Variants in EFEMP1 observed in about 807,000 individuals in gnomAD.
EFEMP1 encodes EGF-containing fibulin-like extracellular matrix protein 1.
A neutral mutation model predicts 65.7 loss-of-function variants in EFEMP1; 18 were observed. That is an observed-to-expected ratio of 0.27 (90% CI 0.19 to 0.41). EFEMP1 has a LOEUF of 0.41. Among genes scored for constraint, EFEMP1 ranks in the 10% least tolerant of loss-of-function variants. The pLI is 1.00. For synonymous variants in EFEMP1, 237 were observed against 219.7 expected, an observed-to-expected ratio of 1.08 and a Z score of -0.70; for missense variants, 469 against 624.8, an observed-to-expected ratio of 0.75 and a Z score of 2.66.
At chr2:55,906,037 G>C (rs1365927277) in intron 5 of EFEMP1, among the ~76,000 whole-genome samples, 1 of 151,894 alleles carries the variant, frequency 6.6e-6, no homozygotes, top group Non-Finnish European at 1.5e-5. Context: ...ACATTTTTTT[G>C]AATGAGCTGT....
chr2:55,872,198 A>G (rs996192176), intron 9 of EFEMP1, among the ~76,000 whole-genome samples: 11 of 152,090 alleles, frequency 7.2e-5, no homozygotes, highest in Non-Finnish European at 1.0e-4. Context: ...CTTCTCCACA[A>G]TGAGATATTT....
chr2:55,869,882 C>T (rs550083963), intron 11 of EFEMP1, among the ~76,000 whole-genome samples: 4 of 152,118 alleles, frequency 2.6e-5, no homozygotes, highest in Admixed American at 6.6e-5. Flanking sequence ...AATGAACTTG[C>T]TGAGATTTTG....
At chr2:55,906,687 C>A (rs1173099355) in intron 5 of EFEMP1, among the ~76,000 whole-genome samples, 1 of 152,158 alleles carries the variant, frequency 6.6e-6, no homozygotes, top group Non-Finnish European at 1.5e-5. Flanking sequence ...GAATTTTCTG[C>A]CTTGCTTGTT....
chr2:55,889,451 T>TCTTA (rs1669551136), intron 5 of EFEMP1, among the ~76,000 whole-genome samples: 1 of 152,166 alleles, frequency 6.6e-6, no homozygotes, highest in Admixed American at 6.5e-5. Context: ...TTTCATTATA[T>TCTTA]CTTACTTATG....
Position 55,922,951 on chromosome 2 carries a change from T to A in EFEMP1, c.-48-12A>T. The A allele has an allele frequency of 9.8e-7, 1 of 1,016,870 alleles. No homozygotes were observed. The highest frequency in any genetic ancestry group is 1.2e-6 in the Non-Finnish European group (1 of 848,070). 63.0% of individuals were successfully genotyped at this position (1,016,870 alleles called of 1,614,324 possible). A position where few individuals can be genotyped will look rare whatever the true frequency, so the allele number is the denominator to read the frequency against. On this transcript the variant is annotated splice_polypyrimidine_tract_variant and intron_variant, in intron 1 of 11. Coordinates refer to ENST00000355426, the MANE Select transcript of EFEMP1 (RefSeq NM_001039348.3). This position sits in a 1 kb window ranked among gnomAD's most constrained non-coding sequence, Gnocchi z 5.5. ...CACAGCAAAAATACCTGTGAGCCAATATGAATTGCCTTGGCCTCAAGCTTT... is the reference window on the plus strand; with the variant it reads ...CACAGCAAAAATACCTGTGAGCCAAAATGAATTGCCTTGGCCTCAAGCTTT...
Position 55,866,734 on chromosome 2 carries a change from G to A in EFEMP1, c.*339C>T. ...GCCTCCTTATGAGACTGTTAGTGGA[G>A]CTCTAGTAAGTTTCCTTAAGCACCA... On this transcript the variant is annotated 3_prime_UTR_variant, in exon 12 of 12. Coordinates refer to ENST00000355426, the MANE Select transcript of EFEMP1 (RefSeq NM_001039348.3). The A allele has an allele frequency of 7.5e-6, 2 of 265,784 alleles. No individual in the cohort carries two copies. Among genetic ancestry groups the A allele is most frequent in the South Asian group, 1.0e-4 (2 of 19,958 alleles). The allele number at this position is 265,784 out of a possible 1,614,324, so 16.5% of individuals were successfully genotyped here.
chr2:55,872,376 C>G (rs1035237040), intron 9 of EFEMP1, among the ~76,000 whole-genome samples: 1 of 152,070 alleles, frequency 6.6e-6, no homozygotes, highest in African/African-American at 2.4e-5. Flanking sequence ...GCATGTCTAG[C>G]TTAACCCTTC....
chr2:55,869,933 CA>C (rs1668734725), intron 11 of EFEMP1, among the ~76,000 whole-genome samples: 1 of 151,970 alleles, frequency 6.6e-6, no homozygotes, highest in African/African-American at 2.4e-5. Context: ...TCAGGGAGAC[CA>C]GCTCAGAAGC....
intron 6 of EFEMP1, among the ~76,000 whole-genome samples, 171 bp from the exon 7 acceptor site, chr2:55,878,036 A>C (rs1572794006): frequency 6.6e-6 from 1 of 152,370 alleles, no homozygotes; most frequent in East Asian, 1.9e-4. Flanking sequence ...TTCTGAGTTA[A>C]GAAGTTAAGA....
chr2:55,911,549 T>C (rs939291304), intron 5 of EFEMP1, among the ~76,000 whole-genome samples: 4 of 151,840 alleles, frequency 2.6e-5, no homozygotes, highest in Admixed American at 6.6e-5. Flanking sequence ...TTATATAATA[T>C]ATTGTTAAAA....
At chr2:55,879,891 A>G (rs1156566520) in intron 6 of EFEMP1, among the ~76,000 whole-genome samples, 1 of 152,232 alleles carries the variant, frequency 6.6e-6, no homozygotes, top group African/African-American at 2.4e-5. Flanking sequence ...ACAAAAAAGT[A>G]TCCTTCATCA....
rs746746339 is a variant in EFEMP1 at position 55,878,688 on chromosome 2, T to C, written c.641-823A>G. ...CAAAACAAAACAAAACAAACCTTTA[T>C]GCTGGGCTCTTTTGGTACTTTAATA... On this transcript the variant is annotated intron_variant, in intron 6 of 11. Transcript: ENST00000355426. Among the ~76,000 whole-genome samples the C allele has an allele frequency of 2.2e-5, 3 of 137,648 alleles. No homozygotes were observed. In the East Asian group the frequency reaches 6.0e-4, roughly 27 times the overall value. The allele number at this position is 137,648 out of a possible 152,430, so 90.3% of individuals were successfully genotyped here.
chr2:55,879,435 C>T (rs1275990271), intron 6 of EFEMP1, among the ~76,000 whole-genome samples: 2 of 152,172 alleles, frequency 1.3e-5, no homozygotes, highest in Non-Finnish European at 2.9e-5. Flanking sequence ...AATTTGTTTA[C>T]TATTATCCCA....
chr2:55,913,897 C>T (rs1024236749), intron 5 of EFEMP1, among the ~76,000 whole-genome samples: 4 of 152,036 alleles, frequency 2.6e-5, no homozygotes, highest in African/African-American at 9.7e-5. Flanking sequence ...GTAGTCACAG[C>T]TACTCGGGAG....
chr2:55,874,938 A>T lies in EFEMP1; in HGVS notation c.1000+8T>A. The T allele has an allele frequency of 6.3e-7, 1 of 1,598,460 alleles. No individual in the cohort carries two copies. The highest frequency in any genetic ancestry group is 8.5e-7 in the Non-Finnish European group (1 of 1,170,338). On this transcript the variant is annotated splice_region_variant and intron_variant, in intron 9 of 11. Coordinates refer to ENST00000355426, the MANE Select transcript of EFEMP1 (RefSeq NM_001039348.3). The stretch of plus-strand genomic sequence containing the variant: ...ATACCTAACATATGAAAAAAAAAAT[A>T]AACTTACCTTGACATGTTCTACTTC...
chr2:55,917,725 G>T lies in EFEMP1; in HGVS notation c.457C>A (p.Pro153Thr). 5.0e-6 allele frequency: 8 copies of T among 1,614,212 alleles called. No homozygotes were observed. The highest frequency in any genetic ancestry group is 6.8e-6 in the Non-Finnish European group (8 of 1,180,038). Residue 153 changes from proline (P) to threonine (T), a missense_variant, in exon 5 of 12, where the codon CCT becomes ACT. Physicochemically the swap from Pro to Thr is conservative, Grantham distance 38. Transcript: ENST00000355426. This position sits in a 1 kb window ranked among gnomAD's most constrained non-coding sequence, Gnocchi z 6.3. ...PADPQRIPSN[P>T]SHRIQCAAGY... ...GCTGCACACTGGATACGGTGGGAAG[G>T]GTTGGAGGGAATGCGCTGAGGGTCA...
rs1343146278 is a variant in EFEMP1, at chr2:55,868,983, A to G, written c.1320+1737T>C. 3.3e-5 allele frequency among the ~76,000 whole-genome samples: 5 copies of G among 152,122 alleles called. No individual in the cohort carries two copies. The East Asian group carries it at 9.6e-4, about 29-fold the overall frequency. ...GATAAGAAATAGTCTTGAAATGTCT[A>G]TTTTTATTATTTTAAATAATTTTCT... On this transcript the variant is annotated intron_variant, in intron 11 of 11. Transcript: ENST00000355426.
At chr2:55,907,463 A>G (rs1232234020) in intron 5 of EFEMP1, among the ~76,000 whole-genome samples, 1 of 152,230 alleles carries the variant, frequency 6.6e-6, no homozygotes, top group Non-Finnish European at 1.5e-5. Flanking sequence ...AAATTGTAAA[A>G]ATACGATTCT....
Position 55,922,371 on chromosome 2 carries a change from T to C in EFEMP1, c.70A>G (p.Ile24Val). The change falls in exon 3 of 12, where the codon ATC (isoleucine) becomes GTC (valine). Residue 24 changes from isoleucine (I) to valine (V), a missense_variant. Ile to Val is a conservative substitution (Grantham distance 29). This residue lies in a region of EFEMP1 where 66 missense variants were observed against 73.0 expected (regional missense o/e 0.90). Transcript: ENST00000355426. This position sits in a 1 kb window ranked among gnomAD's most constrained non-coding sequence, Gnocchi z 5.5. ...LVKSQDTEET[I>V]TYTQCTDGYE... is the part of the protein sequence containing the mutation. ...CCATCACCCCTTACCGTGTACGTGATGGTTTCTTCGGTGTCCTGTGACTTG... is the reference window on the plus strand; with the variant it reads ...CCATCACCCCTTACCGTGTACGTGACGGTTTCTTCGGTGTCCTGTGACTTG... 1 of 1,613,938 alleles carries C rather than the reference T, an allele frequency of 6.2e-7. No homozygotes were observed. The highest frequency in any genetic ancestry group is 8.5e-7 in the Non-Finnish European group (1 of 1,179,822).
Sources: gnomAD v4.1 joint callset for allele counts (sites outside exome capture counted in the v4.1 genomes callset) on GRCh38, gnomAD v4.1.1 for gene constraint, gnomAD v4.1.1 regional missense constraint, Gnocchi (gnomAD v3.1) non-coding constraint, MANE v1.5 for transcripts, NCBI Gene and HGNC (gene_info 2026-07-23, HGNC 2026-07-21) for gene names.